The following NLK variants were observed in gnomAD, a reference collection of about 807,000 sequenced individuals.
NLK encodes the protein nemo like kinase.
A neutral mutation model predicts 59.0 loss-of-function variants in NLK; 11 were observed. That is an observed-to-expected ratio of 0.19 (90% confidence interval 0.12 to 0.31). The LOEUF (loss-of-function observed/expected upper bound fraction) is 0.31. NLK is among the 10% of genes least tolerant of loss of function. The probability of loss-of-function intolerance (pLI) is 1.00; values close to 1 mark genes in which losing one functional copy is unlikely to be tolerated. For missense variants in NLK, 410 were observed against 661.1 expected (o/e 0.62, Z 4.16); for synonymous variants, 235 against 235.9 (o/e 1.00, Z 0.03).
intron 1 of NLK, among the ~76,000 whole-genome samples, chr17:28,084,487 A>G (rs1910447244): frequency 1.3e-5 from 2 of 152,198 alleles, no homozygotes; most frequent in Admixed American, 1.3e-4. Flanking sequence ...AGAGGTGGTA[A>G]TAGGAGTAAG....
chr17:28,168,845 C>A (rs1409803971), intron 6 of NLK, among the ~76,000 whole-genome samples, 188 bp downstream of exon 6: 1 of 151,952 alleles, frequency 6.6e-6, no homozygotes, highest in Admixed American at 6.6e-5. Flanking sequence ...AACTTATGAG[C>A]CTTTAGAGGG....
At chr17:28,050,389 T>A (rs543960454) in intron 1 of NLK, among the ~76,000 whole-genome samples, 1 of 152,268 alleles carries the variant, frequency 6.6e-6, no homozygotes, top group Admixed American at 6.5e-5. Flanking sequence ...TGGAATGTCA[T>A]GCTTGAGGCA....
chr17:28,060,608 A>G (rs1909599106), intron 1 of NLK, among the ~76,000 whole-genome samples: 1 of 152,224 alleles, frequency 6.6e-6, no homozygotes, highest in African/African-American at 2.4e-5. Flanking sequence ...ATACACTTGA[A>G]GAACCCAACA....
Position 28,103,620 on chromosome 17 carries a change from ATG to A in NLK, c.459-18979_459-18978del, listed in dbSNP as rs528214423. ...TAGTTATCACAGTGGTAGGAAATTA[ATG>A]TGTTAGTGATCAACTTTTGAAGCCA... On this transcript the variant is annotated intron_variant, in intron 1 of 10. Coordinates refer to ENST00000407008, the MANE Select transcript of NLK (RefSeq NM_016231.5). Among the ~76,000 whole-genome samples, 6 of 152,294 alleles carry A rather than the reference ATG, an allele frequency of 3.9e-5. No homozygotes were observed. The East Asian group carries it at 1.2e-3, about 29-fold the overall frequency.
At chr17:28,102,450 A>G (rs1904935793) in intron 1 of NLK, among the ~76,000 whole-genome samples, 1 of 152,086 alleles carries the variant, frequency 6.6e-6, no homozygotes, top group South Asian at 2.1e-4. Context: ...GGAGATCGAG[A>G]CTATCCTGGG....
chr17:28,188,643 A>G (rs1327902795), intron 8 of NLK, among the ~76,000 whole-genome samples: 2 of 152,106 alleles, frequency 1.3e-5, no homozygotes, highest in Non-Finnish European at 2.9e-5. Flanking sequence ...ACACCCAGCT[A>G]ATATATTTTT....
At chr17:28,146,992 G>C (rs764448139) in intron 3 of NLK, among the ~76,000 whole-genome samples, 1 of 152,138 alleles carries the variant, frequency 6.6e-6, no homozygotes, top group African/African-American at 2.4e-5. Context: ...GTAAATTTCA[G>C]CTGTTTTCAG....
chr17:28,117,049 A>G (rs577565426), intron 1 of NLK, among the ~76,000 whole-genome samples: 19 of 152,316 alleles, frequency 1.2e-4, no homozygotes, highest in African/African-American at 4.6e-4. Flanking sequence ...CTAGTAGGCC[A>G]TGAAAACTTC....
In NLK at chr17:28,122,731, A is replaced by G; in HGVS notation, c.587A>G (p.Asn196Ser). The G allele has an allele frequency of 1.2e-6, 2 of 1,613,794 alleles. No homozygotes were observed. Among genetic ancestry groups the G allele is most frequent in the Non-Finnish European group, 1.7e-6 (2 of 1,179,764 alleles). Residue 196 changes from asparagine (N) to serine (S), a missense_variant and splice_region_variant, in exon 2 of 11, where the codon AAT (asparagine) becomes AGT (serine). Transcript: ENST00000407008. ...LKMLCFFKHD[N>S]VLSALDILQP... is the part of the protein sequence containing the mutation. ...ATGTTGTGTTTTTTTAAGCATGATA[A>G]TGTAAGTGAAATTGGTATTTGGGGG...
intron 1 of NLK, among the ~76,000 whole-genome samples, chr17:28,045,513 G>GT (rs1030049096): frequency 9.9e-5 from 15 of 151,932 alleles, no homozygotes; most frequent in Admixed American, 2.0e-4. Context: ...TCGGGTCTTT[G>GT]TTTTTTTAAC....
At chr17:28,063,668 C>T (rs898734255) in intron 1 of NLK, among the ~76,000 whole-genome samples, 5 of 152,082 alleles carry the variant, frequency 3.3e-5, no homozygotes, top group Admixed American at 6.5e-5. Flanking sequence ...ATTCCCTCAC[C>T]CTCATAAAAA....
At chr17:28,074,331 A>G (rs961092548) in intron 1 of NLK, among the ~76,000 whole-genome samples, 2 of 152,230 alleles carry the variant, frequency 1.3e-5, no homozygotes, top group Non-Finnish European at 2.9e-5. Context: ...CCCTGAACTT[A>G]AAAGTTGGAG....
intron 1 of NLK, among the ~76,000 whole-genome samples, chr17:28,111,005 C>A (rs753783235): frequency 6.6e-6 from 1 of 150,532 alleles, no homozygotes. Flanking sequence ...CCACTACGCC[C>A]GGCTAATTTT....
intron 5 of NLK, among the ~76,000 whole-genome samples, chr17:28,164,369 CAAAAAAA>C (rs962344405): frequency 3.3e-5 from 2 of 61,412 alleles, no homozygotes. Context: ...GACCCTGTCT[CAAAAAAA>C]AAAAAAAAAA....
intron 1 of NLK, among the ~76,000 whole-genome samples, chr17:28,051,787 G>A (rs1909265593): frequency 6.6e-6 from 1 of 151,728 alleles, no homozygotes; most frequent in African/African-American, 2.4e-5. Context: ...TCTGAGCCTT[G>A]GTTTTCTCAT....
intron 3 of NLK, among the ~76,000 whole-genome samples, chr17:28,140,247 A>G (rs942659734): frequency 1.3e-5 from 2 of 152,210 alleles, no homozygotes; most frequent in African/African-American, 2.4e-5. Flanking sequence ...TTGGGCCCCA[A>G]TGAAAGATTT....
chr17:28,042,728 A>G lies in NLK; in HGVS notation c.-146A>G. 1.4e-6 allele frequency: 1 copy of G among 715,060 alleles called. No homozygotes were observed. Among genetic ancestry groups the G allele is most frequent in the Non-Finnish European group, 2.2e-6 (1 of 461,854 alleles). The allele number at this position is 715,060 out of a possible 1,614,324, so 44.3% of individuals were successfully genotyped here. On this transcript the variant is annotated 5_prime_UTR_variant, in exon 1 of 11. Transcript: ENST00000407008. ...CACGCTCACCCCAAAATTAAACACC[A>G]AGATCCTCTAACTTGTTTGGATTGA...
At chr17:28,072,831 C>T (rs1910049902) in intron 1 of NLK, among the ~76,000 whole-genome samples, 1 of 152,056 alleles carries the variant, frequency 6.6e-6, no homozygotes, top group South Asian at 2.1e-4. Context: ...CTTGTTCCCC[C>T]TTTTATATTT....
chr17:28,191,308 A>C (rs1909298059), intron 9 of NLK, 89 bp downstream of exon 9: 1 of 937,202 alleles, frequency 1.1e-6, no homozygotes, highest in South Asian at 1.8e-5. Context: ...CTGGATGGTA[A>C]CCAAAGCTCC....
Sources: gnomAD v4.1 joint callset for allele counts (sites outside exome capture counted in the v4.1 genomes callset) on GRCh38, gnomAD v4.1.1 for gene constraint, MANE v1.5 for transcripts, NCBI Gene and HGNC (gene_info 2026-07-23, HGNC 2026-07-21) for gene names.